Variants in RAB6A observed in about 807,000 individuals in gnomAD.
RAB6A encodes the protein RAB6A, member RAS oncogene family, also known as ras-related protein Rab-6A.
Under a neutral mutation model 32.3 loss-of-function variants are expected in RAB6A, and 8 were observed. That is an observed-to-expected ratio of 0.25 (90% CI 0.15 to 0.45). RAB6A has a LOEUF of 0.45. Among genes scored for constraint, RAB6A ranks in the 20% least tolerant of loss-of-function variants. The pLI is 1.00. For synonymous variants in RAB6A, 73 were observed against 82.1 expected (o/e 0.89, Z 0.60); for missense variants, 104 against 249.4 (o/e 0.42, Z 3.93).
Position 73,677,618 on chromosome 11 carries a change from A to C in RAB6A, c.*280T>G, listed in dbSNP as rs890889019. The C allele has an allele frequency of 7.7e-6, 6 of 782,190 alleles. No homozygotes were observed. The African/African-American group carries it at 1.1e-4, about 14-fold the overall frequency. 48.5% of individuals were successfully genotyped at this position (782,190 alleles called of 1,614,324 possible). The stretch of plus-strand genomic sequence containing the variant: ...GAAGTACATTATCATAACATTAAAA[A>C]AGAAAAAAATGTTAAGAAAATGTAT... On this transcript the variant is annotated 3_prime_UTR_variant, in exon 8 of 8. Coordinates refer to ENST00000336083, the MANE Select transcript of RAB6A (RefSeq NM_198896.2).
At chr11:73,741,447 C>T (rs995811428) in intron 1 of RAB6A, among the ~76,000 whole-genome samples, 2 of 151,822 alleles carry the variant, frequency 1.3e-5, no homozygotes, top group Non-Finnish European at 2.9e-5. Flanking sequence ...CCAAAATATA[C>T]TCTTACCATA....
intron 1 of RAB6A, among the ~76,000 whole-genome samples, chr11:73,734,811 AGT>A (rs1946369983): frequency 1.3e-5 from 2 of 152,176 alleles, no homozygotes; most frequent in South Asian, 4.1e-4. Context: ...ACTAAAGGAG[AGT>A]GTCTCTCAGT....
At chr11:73,760,534 A>T (rs747449044) in intron 1 of RAB6A, 32 bp downstream of exon 1, 2 of 1,579,650 alleles carry the variant, frequency 1.3e-6, no homozygotes, top group Non-Finnish European at 1.7e-6. Flanking sequence ...CGCTGCGGCC[A>T]GCTGCCAGGA....
intron 6 of RAB6A, among the ~76,000 whole-genome samples, chr11:73,693,157 A>T (rs1945602340): frequency 6.6e-6 from 1 of 151,920 alleles, no homozygotes; most frequent in East Asian, 1.9e-4. Context: ...GCGTGGTGGC[A>T]CACGCCTGTA....
At chr11:73,737,674 C>T (rs891713632) in intron 1 of RAB6A, among the ~76,000 whole-genome samples, 27 of 152,076 alleles carry the variant, frequency 1.8e-4, no homozygotes, top group African/African-American at 2.2e-4. Context: ...AAACACTACA[C>T]TAACTGAAAG....
chr11:73,718,096 A>C, intron 4 of RAB6A, among the ~76,000 whole-genome samples: 1 of 152,228 alleles, frequency 6.6e-6, no homozygotes, highest in East Asian at 1.9e-4. Flanking sequence ...ACAGAACCAA[A>C]ATATGATTCA....
At chr11:73,738,835 T>C (rs1350507682) in intron 1 of RAB6A, among the ~76,000 whole-genome samples, 1 of 151,566 alleles carries the variant, frequency 6.6e-6, no homozygotes, top group African/African-American at 2.4e-5. Flanking sequence ...TCCCAGTTAC[T>C]TGAGAGGCTG....
chr11:73,731,709 T>G (rs1196551604), intron 1 of RAB6A, among the ~76,000 whole-genome samples: 1 of 91,868 alleles, frequency 1.1e-5, no homozygotes, highest in Admixed American at 1.1e-4. Flanking sequence ...TATATATATA[T>G]ATATATATAT....
chr11:73,690,058 A>G (rs1390761667), intron 6 of RAB6A, among the ~76,000 whole-genome samples: 2 of 152,330 alleles, frequency 1.3e-5, no homozygotes, highest in Admixed American at 1.3e-4. Context: ...GTAAAAGCCT[A>G]TTTCCATAAT....
intron 2 of RAB6A, among the ~76,000 whole-genome samples, chr11:73,724,003 C>T (rs1339214785): frequency 3.3e-5 from 5 of 152,032 alleles, no homozygotes; most frequent in Non-Finnish European, 7.4e-5. Flanking sequence ...TATGTCAATT[C>T]CTGTACAGCA....
Position 73,702,080 on chromosome 11 carries a change from C to A in RAB6A, c.495+5340G>T, listed in dbSNP as rs569171881. 4.1e-4 allele frequency among the ~76,000 whole-genome samples: 62 copies of A among 152,316 alleles called. 2 individuals carry two copies. The South Asian group carries it at 0.012, about 30-fold the overall frequency. On this transcript the variant is annotated intron_variant, in intron 6 of 7. Coordinates refer to ENST00000336083, the MANE Select transcript of RAB6A (RefSeq NM_198896.2). The stretch of plus-strand genomic sequence containing the variant: ...TGACAGAACTAATCAGCAAAGCGAA[C>A]AATACATCGTTGTTGTTATAGGTTT...
At chr11:73,747,228 C>G (rs147305765) in intron 1 of RAB6A, among the ~76,000 whole-genome samples, 3,136 of 149,098 alleles carry the variant, frequency 0.021, 114 homozygotes, top group African/African-American at 0.073. Flanking sequence ...TTTTCTGAGA[C>G]GGAGTCTTGC....
intron 1 of RAB6A, among the ~76,000 whole-genome samples, chr11:73,740,183 A>G (rs900430037): frequency 6.6e-6 from 1 of 152,212 alleles, no homozygotes; most frequent in African/African-American, 2.4e-5. Flanking sequence ...AACTAGACCA[A>G]TTAGATATTT....
intron 6 of RAB6A, among the ~76,000 whole-genome samples, chr11:73,703,956 G>C (rs1380856764): frequency 6.6e-6 from 1 of 151,022 alleles, no homozygotes; most frequent in Non-Finnish European, 1.5e-5. Context: ...CTTGAACCCG[G>C]GAGGCAAGGT....
chr11:73,678,883 G>A (rs112650783), intron 7 of RAB6A, among the ~76,000 whole-genome samples: 15,644 of 151,282 alleles, frequency 0.1, 882 homozygotes, highest in South Asian at 0.27. Flanking sequence ...GCACTATCAC[G>A]CCCAGGTAAT....
chr11:73,731,844 C>T (rs751684517), intron 1 of RAB6A, among the ~76,000 whole-genome samples: 11 of 150,232 alleles, frequency 7.3e-5, no homozygotes, highest in African/African-American at 9.8e-5. Context: ...CGGGTTCAAC[C>T]GATTCTCCTG....
chr11:73,757,160 T>G, intron 1 of RAB6A, among the ~76,000 whole-genome samples: 1 of 105,608 alleles, frequency 9.5e-6, no homozygotes, highest in Admixed American at 1.1e-4. Flanking sequence ...TTTTTTTTTC[T>G]TGAGACAGAG....
chr11:73,740,241 G>A (rs762360959), intron 1 of RAB6A, among the ~76,000 whole-genome samples: 4 of 151,760 alleles, frequency 2.6e-5, no homozygotes, highest in African/African-American at 9.7e-5. Flanking sequence ...AAATTAATCC[G>A]CTATGATAAT....
intron 1 of RAB6A, among the ~76,000 whole-genome samples, chr11:73,758,953 G>A (rs1386072648): frequency 2.0e-5 from 3 of 152,088 alleles, no homozygotes; most frequent in East Asian, 1.9e-4. Context: ...CAAAAAGGAG[G>A]GAGATTGTAT....
Sources: allele counts gnomAD v4.1 joint callset (sites outside exome capture counted in the v4.1 genomes callset), GRCh38; gene constraint gnomAD v4.1.1; transcripts MANE v1.5; gene names NCBI Gene and HGNC (gene_info 2026-07-23, HGNC 2026-07-21).